The following IFT140 variants were observed in gnomAD, a reference collection of about 807,000 sequenced individuals.
IFT140 encodes intraflagellar transport protein 140 homolog.
A neutral mutation model predicts 164.6 loss-of-function variants in IFT140; 133 were observed. The ratio of observed to expected loss-of-function variants is 0.81; its 90% CI spans 0.70 to 0.93. The LOEUF (loss-of-function observed/expected upper bound fraction) is 0.93. IFT140 is among the 40% of genes least tolerant of loss of function. IFT140 has a pLI of 0.00. For missense variants in IFT140, 2,045 were observed against 1,972.3 expected (o/e 1.04, Z -0.70); for synonymous variants, 860 against 817.3 (o/e 1.05, Z -0.89).
chr16:1,603,284 C>G (rs567408640), intron 3 of IFT140, among the ~76,000 whole-genome samples: 1 of 152,120 alleles, frequency 6.6e-6, no homozygotes, highest in South Asian at 2.1e-4. Flanking sequence ...GGTTTGTGGC[C>G]CCAGGGATCT....
At position 1,528,091 on chromosome 16, in the gene IFT140, A is replaced by C. The variant is rs576917856; in HGVS notation, c.2400-1295T>G. 1.2e-4 allele frequency among the ~76,000 whole-genome samples: 19 copies of C among 152,218 alleles called. 1 individual carries two copies. The South Asian group carries it at 3.9e-3, about 32-fold the overall frequency. On this transcript the variant is annotated intron_variant, in intron 19 of 30. Coordinates refer to ENST00000426508, the MANE Select transcript of IFT140 (RefSeq NM_014714.4). ...GTGGGGCTGGGCGGGAGGTGGGTCCAAGGCCATCCAGGGAGATCCCGCCCC... is the reference window on the plus strand; with the variant it reads ...GTGGGGCTGGGCGGGAGGTGGGTCCCAGGCCATCCAGGGAGATCCCGCCCC...
At chr16:1,606,871 CACAT>C (rs2036092285) in intron 3 of IFT140, among the ~76,000 whole-genome samples, 1 of 151,366 alleles carries the variant, frequency 6.6e-6, no homozygotes, top group South Asian at 2.1e-4. Flanking sequence ...TACACCCCCC[CACAT>C]ACAAGCATAC....
At chr16:1,602,713 G>A in intron 3 of IFT140, 122 bp from the exon 4 acceptor site, 2 of 848,596 alleles carry the variant, frequency 2.4e-6, no homozygotes, top group South Asian at 3.2e-5. Context: ...AGGCTGAGGT[G>A]GGTGGATCAC....
chr16:1,520,104 C>T (rs779020913), intron 28 of IFT140, 27 bp downstream of exon 28: 30 of 1,611,738 alleles, frequency 1.9e-5, no homozygotes, highest in Middle Eastern at 1.6e-4. Flanking sequence ...CCCGGGGCCC[C>T]GCTGGCATGC....
At chr16:1,595,427 C>A (rs1165473963) in intron 4 of IFT140, among the ~76,000 whole-genome samples, 2 of 151,888 alleles carry the variant, frequency 1.3e-5, no homozygotes, top group Non-Finnish European at 2.9e-5. Flanking sequence ...ACCAGCCTGG[C>A]CAGCATGGTG....
rs1358171484 is a variant in IFT140, at chr16:1,526,764, C to A, written c.2432G>T (p.Cys811Phe). 3.7e-6 allele frequency: 6 copies of A among 1,610,642 alleles called. No individual in the cohort carries two copies. Among genetic ancestry groups the A allele is most frequent in the African/African-American group, 1.3e-5 (1 of 75,052 alleles). ...CACGTCCAGCCGCTGGGTCTTCACG[C>A]ACATGCGCGCCATGTTCTCCCAGAC... Reference protein sequence around the residue: ...EAVWENMARMCVKTQRLDVAK... With the variant: ...EAVWENMARMFVKTQRLDVAK... Residue 811 changes from cysteine (C) to phenylalanine (F), a missense_variant, in exon 20 of 31, where the codon TGC (cysteine) becomes TTC (phenylalanine). Transcript: ENST00000426508.
intron 19 of IFT140, 162 bp downstream of exon 19, chr16:1,557,773 G>C (rs1034797299): frequency 1.0e-4 from 73 of 723,698 alleles, no homozygotes; most frequent in Non-Finnish European, 1.5e-4. Context: ...GCATCTGCAA[G>C]CTGGGCAGCA....
At chr16:1,518,017 T>C (rs1005507165) in intron 30 of IFT140, 199 bp downstream of exon 30, 4 of 487,954 alleles carry the variant, frequency 8.2e-6, no homozygotes, top group African/African-American at 6.0e-5. Context: ...TTTCCCCTTT[T>C]TGTAGAGATG....
rs11646462 is a variant in IFT140 at position 1,568,111 on chromosome 16, A to C, written c.1770+106T>G. 45,498 of 763,138 alleles carry C rather than the reference A, an allele frequency of 0.06. 2,900 individuals are homozygous for C. The highest frequency in any genetic ancestry group is 0.25 in the Admixed American group (12,047 of 48,496). The allele number at this position is 763,138 out of a possible 1,614,324, so 47.3% of individuals were successfully genotyped here. A position where few individuals can be genotyped will look rare whatever the true frequency, so the allele number is the denominator to read the frequency against. ...AGTGGGGCTGAACAGAACACAGGAC[A>C]GGAAGACTTGCACAGGAGGAGAGAG... On this transcript the variant is annotated intron_variant, in intron 15 of 30. Coordinates refer to ENST00000426508, the MANE Select transcript of IFT140 (RefSeq NM_014714.4).
chr16:1,534,869 T>G (rs2030905858), intron 19 of IFT140, among the ~76,000 whole-genome samples: 1 of 152,154 alleles, frequency 6.6e-6, no homozygotes, highest in African/African-American at 2.4e-5. Flanking sequence ...AAGAGATGGG[T>G]ACATTAATCA....
intron 29 of IFT140, among the ~76,000 whole-genome samples, chr16:1,519,450 C>T (rs1352005198): frequency 6.6e-6 from 1 of 152,132 alleles, no homozygotes; most frequent in Non-Finnish European, 1.5e-5. Context: ...CCTGGGTCTC[C>T]TCTCCACAAG....
In IFT140 at chr16:1,530,133, C is replaced by CTTTTTTTTTTTTTTTTTTTTTTTTTTT. The variant is rs922819138; in HGVS notation, c.2400-3338_2400-3337insAAAAAAAAAAAAAAAAAAAAAAAAAAA. On this transcript the variant is annotated intron_variant, in intron 19 of 30. Coordinates refer to ENST00000426508, the MANE Select transcript of IFT140 (RefSeq NM_014714.4). Reference sequence around the variant, plus strand: ...TCCCAAAAGACTTCACGACGGGAATCTTTTTTTTTTTTTTTTTTTTTTTTG... The same window carrying CTTTTTTTTTTTTTTTTTTTTTTTTTTT: ...TCCCAAAAGACTTCACGACGGGAATCTTTTTTTTTTTTTTTTTTTTTTTTTTTTTTTTTTTTTTTTTTTTTTTTTTTG... Among the ~76,000 whole-genome samples the CTTTTTTTTTTTTTTTTTTTTTTTTTTT allele has an allele frequency of 1.4e-4, 12 of 88,586 alleles. 1 individual carries two copies. The highest frequency in any genetic ancestry group is 2.7e-4 in the African/African-American group (5 of 18,456). The allele number at this position is 88,586 out of a possible 152,430, so 58.1% of individuals were successfully genotyped here.
At chr16:1,526,827 T>C in intron 19 of IFT140, 31 bp from the exon 20 acceptor site, 1 of 1,591,258 alleles carries the variant, frequency 6.3e-7, no homozygotes, top group Non-Finnish European at 8.6e-7. Flanking sequence ...GTGAGGCTCC[T>C]GCCCAGCACC....
At chr16:1,586,627 G>A (rs1326004972) in intron 9 of IFT140, among the ~76,000 whole-genome samples, 3 of 149,970 alleles carry the variant, frequency 2.0e-5, no homozygotes, top group East Asian at 2.0e-4. Flanking sequence ...ACACATGCAT[G>A]CACACACACA....
intron 13 of IFT140, among the ~76,000 whole-genome samples, chr16:1,572,570 C>G (rs896264790): frequency 6.6e-6 from 1 of 152,070 alleles, no homozygotes; most frequent in African/African-American, 2.4e-5. Context: ...GGTGTGGACC[C>G]GGGAGGTGGA....
chr16:1,573,704 C>A (rs1368195165), intron 13 of IFT140, among the ~76,000 whole-genome samples: 1 of 152,102 alleles, frequency 6.6e-6, no homozygotes, highest in Admixed American at 6.5e-5. Context: ...AGCCACAGTG[C>A]CCCTCCACTC....
intron 19 of IFT140, among the ~76,000 whole-genome samples, chr16:1,538,196 C>A (rs1596325196): frequency 1.3e-5 from 2 of 152,170 alleles, no homozygotes; most frequent in South Asian, 4.1e-4. Context: ...TCTGTGGGTG[C>A]CCTTGTGGTG....
intron 6 of IFT140, among the ~76,000 whole-genome samples, chr16:1,590,618 G>A (rs1407620219): frequency 6.6e-6 from 1 of 152,152 alleles, no homozygotes; most frequent in Non-Finnish European, 1.5e-5. Flanking sequence ...CTGCTCCGGT[G>A]CTGGCCAGCC....
intron 30 of IFT140, among the ~76,000 whole-genome samples, chr16:1,511,821 G>T (rs2040167714): frequency 6.7e-6 from 1 of 149,994 alleles, no homozygotes; most frequent in Admixed American, 6.6e-5. Context: ...CGCTGTGCTG[G>T]GGACACAGGG....
Sources: gnomAD v4.1 joint callset for allele counts (sites outside exome capture counted in the v4.1 genomes callset) on GRCh38, gnomAD v4.1.1 for gene constraint, MANE v1.5 for transcripts, NCBI Gene and HGNC (gene_info 2026-07-23, HGNC 2026-07-21) for gene names.